DIP2C: variants seen among roughly 807,000 people sequenced by gnomAD.
DIP2C encodes DIP2 acetate--CoA ligase C (putative), also known as disco-interacting protein 2 homolog C.
DIP2C carries 33 observed loss-of-function variants against 192.4 expected under a neutral mutation model. That is an observed-to-expected ratio of 0.17 (90% CI 0.13 to 0.23). DIP2C has a LOEUF of 0.23. DIP2C is among the 10% of genes least tolerant of loss of function. DIP2C has a pLI of 1.00. For missense variants in DIP2C, 1,537 were observed against 2,110.1 expected, an observed-to-expected ratio of 0.73 and a Z score of 5.32; for synonymous variants, 979 against 864.1, an observed-to-expected ratio of 1.13 and a Z score of -2.33.
rs575734238 is a variant in DIP2C at position 615,294 on chromosome 10, G to A, written c.85+74200C>T. 2.8e-3 allele frequency among the ~76,000 whole-genome samples: 419 copies of A among 152,258 alleles called. 2 individuals carry two copies. Among genetic ancestry groups the A allele is most frequent in the Non-Finnish European group, 4.9e-3 (336 of 68,028 alleles). Reference sequence around the variant, plus strand: ...CGTGATTAGACAGAAGACAGAAGGTGGCTGATGTTATCAAATCACCAAGCA... The same window carrying A: ...CGTGATTAGACAGAAGACAGAAGGTAGCTGATGTTATCAAATCACCAAGCA... On this transcript the variant is annotated intron_variant, in intron 1 of 36. Transcript: ENST00000280886.
At position 387,847 on chromosome 10, in the gene DIP2C, A is replaced by G. The variant is rs117803859; in HGVS notation, c.1598-38T>C. The G allele has an allele frequency of 6.0e-4, 957 of 1,606,540 alleles. 11 individuals carry two copies. In the East Asian group the frequency reaches 0.015, roughly 25 times the overall value. On this transcript the variant is annotated intron_variant, in intron 13 of 36. Transcript: ENST00000280886. Reference sequence around the variant, plus strand: ...GGGAGTCAGGAGATTTTTACTTAGGACAGGGCGGCAACAGATCAAAATGCA... The same window carrying G: ...GGGAGTCAGGAGATTTTTACTTAGGGCAGGGCGGCAACAGATCAAAATGCA...
At chr10:619,153 C>T (rs80341929) in intron 1 of DIP2C, among the ~76,000 whole-genome samples, 5,694 of 152,264 alleles carry the variant, frequency 0.037, 328 homozygotes, top group African/African-American at 0.13. Context: ...GTTCCCAGAA[C>T]ACTGATGCCG....
intron 3 of DIP2C, among the ~76,000 whole-genome samples, chr10:453,777 G>A (rs1321917376): frequency 1.3e-5 from 2 of 152,210 alleles, no homozygotes; most frequent in African/African-American, 4.8e-5. Flanking sequence ...ACAGCACAGG[G>A]GCTCCAAGGA....
chr10:390,877 A>G lies in DIP2C; in HGVS notation c.1261-14T>C. On this transcript the variant is annotated splice_polypyrimidine_tract_variant and intron_variant, in intron 10 of 36. Coordinates refer to ENST00000280886, the MANE Select transcript of DIP2C (RefSeq NM_014974.3). The stretch of plus-strand genomic sequence containing the variant: ...GCTCCCTGCGTCCTGAGAGGGCAAC[A>G]GAGAGGAGTTGAGAATCCACGACCT... 2 of 1,613,454 alleles carry G rather than the reference A, an allele frequency of 1.2e-6. No homozygotes were observed. Among genetic ancestry groups the G allele is most frequent in the Non-Finnish European group, 1.7e-6 (2 of 1,179,716 alleles).
intron 1 of DIP2C, among the ~76,000 whole-genome samples, chr10:542,523 C>T (rs1301963477): frequency 7.2e-5 from 11 of 152,250 alleles, no homozygotes; most frequent in Non-Finnish European, 1.3e-4. Context: ...CGGCCGACAG[C>T]CCAGGCTCCA....
At chr10:290,429 A>C (rs979667793) in intron 32 of DIP2C, among the ~76,000 whole-genome samples, 12 of 152,260 alleles carry the variant, frequency 7.9e-5, no homozygotes, top group Non-Finnish European at 1.8e-4. Flanking sequence ...GGTGCAACAC[A>C]AATGTGCTCT....
chr10:604,520 T>C (rs1476909061), intron 1 of DIP2C, among the ~76,000 whole-genome samples: 4 of 152,198 alleles, frequency 2.6e-5, no homozygotes. Flanking sequence ...GTGCCTGTAG[T>C]TCACAGCTGA....
chr10:640,514 G>C (rs1156478446), intron 1 of DIP2C, among the ~76,000 whole-genome samples: 1 of 152,156 alleles, frequency 6.6e-6, no homozygotes, highest in African/African-American at 2.4e-5. Context: ...AATAAACTTA[G>C]CTCACAGCAA....
intron 1 of DIP2C, among the ~76,000 whole-genome samples, chr10:515,004 C>G (rs553346692): frequency 2.6e-5 from 4 of 152,220 alleles, no homozygotes; most frequent in Non-Finnish European, 5.9e-5. Context: ...ACGTTCTCAT[C>G]AGCTCCCACC....
intron 1 of DIP2C, among the ~76,000 whole-genome samples, chr10:528,687 G>A (rs1160498545): frequency 2.0e-5 from 3 of 152,130 alleles, no homozygotes; most frequent in Non-Finnish European, 2.9e-5. Context: ...TCTCCTCCGG[G>A]AGCACGTGCT....
chr10:592,175 A>G (rs988583264), intron 1 of DIP2C, among the ~76,000 whole-genome samples: 1 of 151,480 alleles, frequency 6.6e-6, no homozygotes, highest in Non-Finnish European at 1.5e-5. Flanking sequence ...ATATTAATAT[A>G]AAGTGAATTC....
At chr10:568,880 C>T (rs377689162) in intron 1 of DIP2C, among the ~76,000 whole-genome samples, 14 of 149,590 alleles carry the variant, frequency 9.4e-5, no homozygotes, top group African/African-American at 2.2e-4. Context: ...ATCTCAGAGC[C>T]GTTCAAGAGT....
intron 8 of DIP2C, among the ~76,000 whole-genome samples, chr10:409,908 TCA>T (rs1234072042): frequency 4.6e-5 from 7 of 152,238 alleles, no homozygotes; most frequent in African/African-American, 1.7e-4. Flanking sequence ...CAACCTAGTC[TCA>T]GAGGCTTCAG....
rs1958681374 is a variant in DIP2C, at chr10:349,380, C to G, written c.3060G>C (p.Glu1020Asp). ...GGTCGCCGTCCTGAAGGTGGCCCCT[C>G]TCCATCAGCATCACGGCGATCTTCT... ...RAEKIAVMLMERGHLQDGDHV... is the reference protein window; with the variant it reads ...RAEKIAVMLMDRGHLQDGDHV... The change falls in exon 25 of 37, where the codon GAG (glutamate) becomes GAC (aspartate). Residue 1020 changes from glutamate to aspartate, a missense_variant. Glu to Asp is a conservative substitution (Grantham distance 45). Coordinates refer to ENST00000280886, the MANE Select transcript of DIP2C (RefSeq NM_014974.3). 6.2e-7 allele frequency: 1 copy of G among 1,611,250 alleles called. No homozygotes were observed. The highest frequency in any genetic ancestry group is 8.5e-7 in the Non-Finnish European group (1 of 1,179,826).
rs72774511 is a variant in DIP2C at position 472,797 on chromosome 10, C to T, written c.158-248G>A. ...CACAGCACAAAGGTCCACTGACAGG[C>T]AGGGAGAGACACAAACTCAGCCACA... On this transcript the variant is annotated intron_variant, in intron 2 of 36. Transcript: ENST00000280886. 2.9e-3 allele frequency among the ~76,000 whole-genome samples: 441 copies of T among 152,266 alleles called. 2 individuals are homozygous for T. Among genetic ancestry groups the T allele is most frequent in the East Asian group, 6.2e-3 (32 of 5,168 alleles).
At chr10:484,857 G>C (rs760241524) in intron 2 of DIP2C, 4 of 1,611,170 alleles carry the variant, frequency 2.5e-6, no homozygotes, top group Non-Finnish European at 2.5e-6. Flanking sequence ...CTCGGACGTC[G>C]CACACCCCGA....
At chr10:660,243 T>A (rs1856670391) in intron 1 of DIP2C, among the ~76,000 whole-genome samples, 2 of 151,972 alleles carry the variant, frequency 1.3e-5, no homozygotes, top group Admixed American at 1.3e-4. Context: ...GTTCTGTGTA[T>A]GAAACGGAGA....
intron 4 of DIP2C, among the ~76,000 whole-genome samples, chr10:425,614 GACT>G (rs1020566458): frequency 1.3e-5 from 2 of 151,262 alleles, no homozygotes; most frequent in African/African-American, 4.9e-5. Context: ...GACCAGCGGT[GACT>G]AATATGACAT....
intron 1 of DIP2C, among the ~76,000 whole-genome samples, chr10:533,162 C>A (rs1847514050): frequency 6.6e-6 from 1 of 152,016 alleles, no homozygotes; most frequent in Non-Finnish European, 1.5e-5. Context: ...AGTGTCAGAA[C>A]TGACCCTCCC....
Sources: gnomAD v4.1 joint callset for allele counts (sites outside exome capture counted in the v4.1 genomes callset) on GRCh38, gnomAD v4.1.1 for gene constraint, MANE v1.5 for transcripts, NCBI Gene and HGNC (gene_info 2026-07-23, HGNC 2026-07-21) for gene names.